Variants in ARMH4 observed in about 807,000 individuals in gnomAD.
ARMH4 encodes armadillo like helical domain containing 4.
A neutral mutation model predicts 61.9 loss-of-function variants in ARMH4; 49 were observed. That is an observed-to-expected ratio of 0.79 (90% CI 0.63 to 1.00). ARMH4 has a LOEUF of 1.00. ARMH4 is among the 50% of genes least tolerant of loss of function. ARMH4 has a pLI of 0.00. For missense variants in ARMH4, 934 were observed against 930.0 expected, an observed-to-expected ratio of 1.00 and a Z score of -0.06; for synonymous variants, 368 against 341.5, an observed-to-expected ratio of 1.08 and a Z score of -0.85.
At chr14:58,146,065 A>G (rs1174338231) in intron 1 of ARMH4, among the ~76,000 whole-genome samples, 2 of 152,242 alleles carry the variant, frequency 1.3e-5, no homozygotes, top group African/African-American at 4.8e-5. Flanking sequence ...CCTAAACCTA[A>G]ATAACCATCT....
chr14:58,135,452 T>C (rs1307455900), intron 2 of ARMH4, among the ~76,000 whole-genome samples: 1 of 152,150 alleles, frequency 6.6e-6, no homozygotes, highest in Admixed American at 6.5e-5. Context: ...TTTGAGAACA[T>C]ATATACAAAA....
intron 5 of ARMH4, among the ~76,000 whole-genome samples, chr14:58,076,438 A>G (rs1185210504): frequency 1.3e-5 from 2 of 152,316 alleles, no homozygotes; most frequent in East Asian, 3.9e-4. Context: ...GTGCATTTTC[A>G]TTTCAACCTG....
At chr14:58,072,214 T>C (rs546502062) in intron 5 of ARMH4, among the ~76,000 whole-genome samples, 3 of 152,182 alleles carry the variant, frequency 2.0e-5, no homozygotes, top group African/African-American at 7.2e-5. Flanking sequence ...TAGGAAGTAT[T>C]CGTTGAATGA....
intron 1 of ARMH4, among the ~76,000 whole-genome samples, chr14:58,147,460 G>A (rs1431587571): frequency 1.3e-5 from 2 of 151,838 alleles, no homozygotes; most frequent in African/African-American, 2.4e-5. Context: ...GACCACAGGC[G>A]CACGCCACCA....
intron 5 of ARMH4, among the ~76,000 whole-genome samples, chr14:58,074,725 C>A (rs756729608): frequency 6.6e-6 from 1 of 152,020 alleles, no homozygotes; most frequent in South Asian, 2.1e-4. Context: ...ACAGAAGTAA[C>A]ATGTAGTAAA....
chr14:58,023,930 A>C (rs1250544770), intron 5 of ARMH4, among the ~76,000 whole-genome samples: 1 of 152,190 alleles, frequency 6.6e-6, no homozygotes, highest in Non-Finnish European at 1.5e-5. Flanking sequence ...AGGTCTCAAC[A>C]GTGGGCTTAA....
chr14:58,027,844 C>G (rs1883077182), intron 5 of ARMH4, among the ~76,000 whole-genome samples: 1 of 152,164 alleles, frequency 6.6e-6, no homozygotes, highest in South Asian at 2.1e-4. Flanking sequence ...TAAATATGTA[C>G]AGCTTCTTAT....
At chr14:58,080,615 C>T (rs1347024061) in intron 5 of ARMH4, among the ~76,000 whole-genome samples, 2 of 152,114 alleles carry the variant, frequency 1.3e-5, no homozygotes, top group African/African-American at 4.8e-5. Flanking sequence ...GAGACAAGGG[C>T]TGAAAAACTA....
chr14:58,138,629 C>A lies in ARMH4; in HGVS notation c.730G>T (p.Gly244Cys). 3 of 1,614,142 alleles carry A rather than the reference C, an allele frequency of 1.9e-6. No individual in the cohort carries two copies. Among genetic ancestry groups the A allele is most frequent in the Non-Finnish European group, 2.5e-6 (3 of 1,179,988 alleles). ...TSFPGAESTAGSEPGSLTPDK... is the reference protein window; with the variant it reads ...TSFPGAESTACSEPGSLTPDK... The stretch of plus-strand genomic sequence containing the variant: ...GGGGTGAGGCTTCCAGGCTCACTGC[C>A]TGCTGTGGACTCAGCACCAGGAAAA... The change falls in exon 2 of 8, where the codon GGC becomes TGC. Residue 244 changes from glycine (G) to cysteine (C), a missense_variant. Transcript: ENST00000267485.
rs376879468 is a variant in ARMH4, at chr14:58,100,401, G to C, written c.1832-3420C>G. On this transcript the variant is annotated intron_variant, in intron 4 of 7. Transcript: ENST00000267485. ...TTTCTCAAGCCACATTCAGCTGCTT[G>C]GGCGCAGGCATGGGTGGAGAGGTGA... 2.0e-5 allele frequency among the ~76,000 whole-genome samples: 3 copies of C among 152,160 alleles called. No homozygotes were observed. The South Asian group carries it at 6.2e-4, about 32-fold the overall frequency.
chr14:58,107,071 G>C (rs1027323631), intron 4 of ARMH4, among the ~76,000 whole-genome samples: 1 of 152,126 alleles, frequency 6.6e-6, no homozygotes, highest in Non-Finnish European at 1.5e-5. Context: ...CTACAAACAT[G>C]TGTCATTTAA....
At chr14:58,094,049 G>A (rs1344011479) in intron 5 of ARMH4, among the ~76,000 whole-genome samples, 3 of 152,214 alleles carry the variant, frequency 2.0e-5, no homozygotes, top group East Asian at 1.9e-4. Context: ...TTAAGCTGTG[G>A]CTGGGCACGG....
chr14:58,123,129 T>C (rs1359071627), intron 4 of ARMH4, among the ~76,000 whole-genome samples: 1 of 152,174 alleles, frequency 6.6e-6, no homozygotes, highest in Non-Finnish European at 1.5e-5. Context: ...GGAGCTTTAC[T>C]CTTTTCACAC....
At chr14:58,102,121 G>A (rs948487749) in intron 4 of ARMH4, among the ~76,000 whole-genome samples, 18 of 152,192 alleles carry the variant, frequency 1.2e-4, no homozygotes, top group African/African-American at 4.3e-4. Context: ...CTCAGCAGGA[G>A]ACCAGCTCTG....
At chr14:58,032,587 C>A (rs907303157) in intron 5 of ARMH4, among the ~76,000 whole-genome samples, 4 of 152,116 alleles carry the variant, frequency 2.6e-5, no homozygotes, top group Admixed American at 6.5e-5. Flanking sequence ...GTCTACAGCT[C>A]CCAGCGTGAG....
intron 5 of ARMH4, among the ~76,000 whole-genome samples, chr14:58,081,276 C>T (rs911528769): frequency 4.6e-5 from 7 of 151,984 alleles, no homozygotes; most frequent in African/African-American, 1.7e-4. Context: ...CGTCTCAGGC[C>T]CCACCCAGAC....
intron 4 of ARMH4, among the ~76,000 whole-genome samples, chr14:58,100,731 AC>A (rs1023279599): frequency 4.6e-5 from 7 of 152,110 alleles, no homozygotes; most frequent in Non-Finnish European, 7.4e-5. Flanking sequence ...AAGGAGTGGC[AC>A]CCCTTCCTTC....
rs1365539435 is a variant in ARMH4, at chr14:58,000,780, A to C, written c.*3956T>G. The C allele has an allele frequency of 6.6e-6, 1 of 151,986 alleles. No individual in the cohort carries two copies. The highest frequency in any genetic ancestry group is 1.5e-5 in the Non-Finnish European group (1 of 68,024). The allele number at this position is 151,986 out of a possible 1,614,324, so 9.4% of individuals were successfully genotyped here. A position where few individuals can be genotyped will look rare whatever the true frequency, so the allele number is the denominator to read the frequency against. On this transcript the variant is annotated 3_prime_UTR_variant, in exon 8 of 8. Coordinates refer to ENST00000267485, the MANE Select transcript of ARMH4 (RefSeq NM_001001872.4). ...AATTAATTTTTTGTATTTTTAGTAG[A>C]GATGGGGTTTCACCATGTTAGCCAG...
At chr14:58,052,417 G>C (rs178475) in intron 5 of ARMH4, among the ~76,000 whole-genome samples, 36,862 of 151,940 alleles carry the variant, frequency 0.24, 6,075 homozygotes, top group East Asian at 0.63. Context: ...GGGTTTCATG[G>C]GAACATTCTA....
Sources: gnomAD v4.1 joint callset for allele counts (sites outside exome capture counted in the v4.1 genomes callset) on GRCh38, gnomAD v4.1.1 for gene constraint, MANE v1.5 for transcripts, NCBI Gene and HGNC (gene_info 2026-07-23, HGNC 2026-07-21) for gene names.